SMIM19: variants seen among roughly 807,000 people sequenced by gnomAD.
SMIM19 encodes the protein UPF0697 protein C8orf40.
SMIM19 carries 6 observed loss-of-function variants against 13.2 expected under a neutral mutation model. That is an observed-to-expected ratio of 0.45 (90% CI 0.25 to 0.90). The LOEUF is 0.90. Among genes scored for constraint, SMIM19 ranks in the 40% least tolerant of loss-of-function variants. The pLI, the probability that SMIM19 is intolerant of heterozygous loss-of-function variation, is 0.19. For missense variants in SMIM19, 138 were observed against 131.0 expected, an observed-to-expected ratio of 1.05 and a Z score of -0.26; for synonymous variants, 46 against 43.1, an observed-to-expected ratio of 1.07 and a Z score of -0.27.
chr8:42,552,803 C>A lies in SMIM19; in HGVS notation c.*195C>A. ...CTCAAAAGGCCTTGACACAGGGAAC[C>A]TGCACATATCCAGGATATGTGTAAC... On this transcript the variant is annotated 3_prime_UTR_variant, in exon 4 of 4. Coordinates refer to ENST00000417410, the MANE Select transcript of SMIM19 (RefSeq NM_001135674.2). The A allele has an allele frequency of 1.7e-6, 1 of 581,984 alleles. No individual in the cohort carries two copies. The highest frequency in any genetic ancestry group is 2.9e-5 in the East Asian group (1 of 35,050). 36.1% of individuals were successfully genotyped at this position (581,984 alleles called of 1,614,324 possible). A position where few individuals can be genotyped will look rare whatever the true frequency, so the allele number is the denominator to read the frequency against.
rs899411196 is a variant in SMIM19 at position 42,548,438 on chromosome 8, A to T, written c.135-218A>T. 3 of 590,110 alleles carry T rather than the reference A, an allele frequency of 5.1e-6. No individual in the cohort carries two copies. The Admixed American group carries it at 6.5e-5, about 13-fold the overall frequency. The allele number at this position is 590,110 out of a possible 1,614,324, so 36.6% of individuals were successfully genotyped here. A position where few individuals can be genotyped will look rare whatever the true frequency, so the allele number is the denominator to read the frequency against. ...GAGGAACTTCACTTTGTTGTGTTAA[A>T]TGGATGTGTTCAGCTACTTTTCTCA... is the stretch of plus-strand genomic sequence containing the variant. On this transcript the variant is annotated intron_variant, in intron 2 of 3. Coordinates refer to ENST00000417410, the MANE Select transcript of SMIM19 (RefSeq NM_001135674.2).
In SMIM19 at chr8:42,554,184, T is replaced by C. The variant is rs1813755831; in HGVS notation, c.*1576T>C. ...TTGACCAAACAGAATAATTCTTAAC[T>C]CACAAAGGAGTTTGAGCGCACTTCC... On this transcript the variant is annotated 3_prime_UTR_variant, in exon 4 of 4. Coordinates refer to ENST00000417410, the MANE Select transcript of SMIM19 (RefSeq NM_001135674.2). 6.6e-6 allele frequency: 1 copy of C among 152,210 alleles called. No individual in the cohort carries two copies. Among genetic ancestry groups the C allele is most frequent in the Admixed American group, 6.5e-5 (1 of 15,282 alleles). The allele number at this position is 152,210 out of a possible 1,614,324, so 9.4% of individuals were successfully genotyped here. A position where few individuals can be genotyped will look rare whatever the true frequency, so the allele number is the denominator to read the frequency against.
intron 2 of SMIM19, among the ~76,000 whole-genome samples, chr8:42,547,548 A>G (rs893600895): frequency 2.0e-5 from 3 of 152,144 alleles, no homozygotes; most frequent in African/African-American, 7.2e-5. Context: ...ATGCAGAAAC[A>G]CTGACTCCTG....
chr8:42,554,530 A>T lies in SMIM19; in HGVS notation c.*1922A>T, dbSNP rs907723144. ...CTACAAACTAGTAGATTATTTGATGAGCATCAAGCCCTGGCAAGTGACAGG... is the reference window on the plus strand; with the variant it reads ...CTACAAACTAGTAGATTATTTGATGTGCATCAAGCCCTGGCAAGTGACAGG... On this transcript the variant is annotated 3_prime_UTR_variant, in exon 4 of 4. Transcript: ENST00000417410. 1.3e-5 allele frequency: 2 copies of T among 152,242 alleles called. No homozygotes were observed. The highest frequency in any genetic ancestry group is 2.4e-5 in the African/African-American group (1 of 41,468). 9.4% of individuals were successfully genotyped at this position (152,242 alleles called of 1,614,324 possible).
intron 1 of SMIM19, among the ~76,000 whole-genome samples, chr8:42,544,509 A>G (rs1451861392): frequency 6.8e-6 from 1 of 147,414 alleles, no homozygotes; most frequent in Non-Finnish European, 1.5e-5. Context: ...AATTGGGTAT[A>G]GTCTAGTGTT....
intron 1 of SMIM19, among the ~76,000 whole-genome samples, chr8:42,544,495 T>C (rs1380930480): frequency 1.6e-5 from 1 of 62,122 alleles, no homozygotes; most frequent in Non-Finnish European, 4.0e-5. Context: ...CTTTAGTATC[T>C]AGGAATTGGG....
chr8:42,548,616 A>G (rs776268963), intron 2 of SMIM19, 40 bp from the exon 3 acceptor site: 2 of 1,611,084 alleles, frequency 1.2e-6, no homozygotes, highest in South Asian at 1.1e-5. Flanking sequence ...CTCTATAGAC[A>G]TTAATACAAA....
chr8:42,551,177 G>A (rs1175822902), intron 3 of SMIM19, among the ~76,000 whole-genome samples: 1 of 152,146 alleles, frequency 6.6e-6, no homozygotes, highest in Admixed American at 6.5e-5. Flanking sequence ...AATTAGCAGG[G>A]CATGATGGCG....
rs1387410092 is a variant in SMIM19, at chr8:42,552,620, AAG to A, written c.*15_*16del. 6 of 1,613,866 alleles carry A rather than the reference AAG, an allele frequency of 3.7e-6. No homozygotes were observed. In the South Asian group the frequency reaches 4.4e-5, roughly 12 times the overall value. On this transcript the variant is annotated 3_prime_UTR_variant, in exon 4 of 4. Transcript: ENST00000417410. Reference sequence around the variant, plus strand: ...TCTCATTGGAATGAAACCTCAGAAAAAGAGCAACAGAAGTAATTGTTTCAAGC... The same window carrying A: ...TCTCATTGGAATGAAACCTCAGAAAAAGCAACAGAAGTAATTGTTTCAAGC...
intron 3 of SMIM19, among the ~76,000 whole-genome samples, chr8:42,552,170 G>A (rs1300646517): frequency 1.3e-5 from 2 of 152,044 alleles, no homozygotes; most frequent in Non-Finnish European, 2.9e-5. Context: ...TGTAATCCCA[G>A]CACTTTAAGA....
At chr8:42,546,385 C>T (rs1235890610) in intron 1 of SMIM19, 84 bp from the exon 2 acceptor site, 1 of 1,447,210 alleles carries the variant, frequency 6.9e-7, no homozygotes, top group African/African-American at 1.4e-5. Flanking sequence ...ATTTGGCCAG[C>T]AGGCCATATG....
intron 2 of SMIM19, chr8:42,548,336 GA>G (rs2131494532): frequency 2.2e-6 from 1 of 460,058 alleles, no homozygotes; most frequent in South Asian, 1.6e-5. Context: ...TGAAAGGGAG[GA>G]AAAATCAGCT....
intron 3 of SMIM19, 141 bp from the exon 4 acceptor site, chr8:42,552,403 G>A: frequency 1.2e-6 from 1 of 862,406 alleles, no homozygotes; most frequent in South Asian, 1.7e-5. Flanking sequence ...GGGTATCAGA[G>A]GGAGACTCTA....
intron 1 of SMIM19, among the ~76,000 whole-genome samples, chr8:42,544,887 C>T (rs1813424790): frequency 6.6e-6 from 1 of 152,218 alleles, no homozygotes; most frequent in African/African-American, 2.4e-5. Flanking sequence ...GCCAAATCTA[C>T]ACTAATGAAC....
Position 42,554,453 on chromosome 8 carries a change from GT to G in SMIM19, c.*1846del, listed in dbSNP as rs1250988087. 6.6e-6 allele frequency: 1 copy of G among 152,128 alleles called. No homozygotes were observed. Among genetic ancestry groups the G allele is most frequent in the Admixed American group, 6.5e-5 (1 of 15,270 alleles). 9.4% of individuals were successfully genotyped at this position (152,128 alleles called of 1,614,324 possible). ...GTAAAATTAATGTACATAAATAAAC[GT>G]AAGTCACACAATGAATTTCCTTTGT... is the stretch of plus-strand genomic sequence containing the variant. On this transcript the variant is annotated 3_prime_UTR_variant, in exon 4 of 4. Transcript: ENST00000417410.
In SMIM19 at chr8:42,554,001, A is replaced by G. The variant is rs1813750335; in HGVS notation, c.*1393A>G. On this transcript the variant is annotated 3_prime_UTR_variant, in exon 4 of 4. Transcript: ENST00000417410. ...CGTCTCAGAAAAAAAAAAAAAAGTT[A>G]ATAATGGCTTCAAGTATTTCATTTT... 1.3e-5 allele frequency: 2 copies of G among 151,018 alleles called. No homozygotes were observed. The highest frequency in any genetic ancestry group is 3.9e-4 in the East Asian group (2 of 5,158). The allele number at this position is 151,018 out of a possible 1,614,324, so 9.4% of individuals were successfully genotyped here.
chr8:42,543,976 A>G (rs1813384245), intron 1 of SMIM19, among the ~76,000 whole-genome samples: 1 of 152,186 alleles, frequency 6.6e-6, no homozygotes, highest in African/African-American at 2.4e-5. Context: ...GAGATTCCAT[A>G]AATTATAAAG....
rs778565419 is a variant in SMIM19 at position 42,546,595 on chromosome 8, G to A, written c.123G>A (p.Met41Ile). The A allele has an allele frequency of 4.3e-6, 7 of 1,609,224 alleles. No individual in the cohort carries two copies. In the South Asian group the frequency reaches 6.7e-5, roughly 15 times the overall value. ...TCCTTGTTAGCTTCGGTCTCTTCAT[G>A]TATGCCAAAAGGTAAATTTTTGTTT... Reference protein sequence around the residue: ...IVILVSFGLFMYAKRNKRRIM... With the variant: ...IVILVSFGLFIYAKRNKRRIM... Residue 41 changes from methionine to isoleucine, a missense_variant, in exon 2 of 4, where the codon ATG becomes ATA. Coordinates refer to ENST00000417410, the MANE Select transcript of SMIM19 (RefSeq NM_001135674.2).
chr8:42,546,488 G>A lies in SMIM19; in HGVS notation c.16G>A (p.Gly6Arg), dbSNP rs1813489702. The A allele has an allele frequency of 1.2e-6, 2 of 1,612,554 alleles. No individual in the cohort carries two copies. The highest frequency in any genetic ancestry group is 2.2e-5 in the South Asian group (2 of 90,578). ...TTACAGCCCCATGGCTGGGGGTTAT[G>A]GAGTGATGGGTGACGATGGTTCTAT... MAGGY[G>R]VMGDDGSIDY... The change falls in exon 2 of 4, where the codon GGA (glycine) becomes AGA (arginine). Residue 6 changes from glycine to arginine, a missense_variant. Coordinates refer to ENST00000417410, the MANE Select transcript of SMIM19 (RefSeq NM_001135674.2).
Sources: gnomAD v4.1 joint callset for allele counts (sites outside exome capture counted in the v4.1 genomes callset) on GRCh38, gnomAD v4.1.1 for gene constraint, MANE v1.5 for transcripts, NCBI Gene and HGNC (gene_info 2026-07-23, HGNC 2026-07-21) for gene names.